The following MRPS9 variants were observed in gnomAD, a reference collection of about 807,000 sequenced individuals.
MRPS9 encodes the protein mitochondrial ribosomal protein S9, also known as small ribosomal subunit protein uS9m.
Under a neutral mutation model 59.9 loss-of-function variants are expected in MRPS9, and 45 were observed. The observed-to-expected ratio is 0.75, with a 90% CI of 0.59 to 0.96. MRPS9 has a LOEUF of 0.96. Ranked by LOEUF, MRPS9 falls within the 40% of genes least tolerant of loss-of-function variation. The probability of loss-of-function intolerance (pLI) is 0.00; values close to 1 mark genes in which losing one functional copy is unlikely to be tolerated. For missense variants in MRPS9, 473 were observed against 481.1 expected, an observed-to-expected ratio of 0.98 and a Z score of 0.16; for synonymous variants, 171 against 166.8, an observed-to-expected ratio of 1.03 and a Z score of -0.19.
intron 1 of MRPS9, among the ~76,000 whole-genome samples, chr2:105,039,231 A>T (rs902768036): frequency 7.2e-5 from 3 of 41,838 alleles, no homozygotes; most frequent in East Asian, 1.7e-3. Flanking sequence ...ACTATATTTA[A>T]AAAAAAAAAC....
intron 5 of MRPS9, among the ~76,000 whole-genome samples, chr2:105,086,405 AACAG>A (rs1327936027): frequency 1.3e-5 from 2 of 152,214 alleles, no homozygotes; most frequent in African/African-American, 2.4e-5. Flanking sequence ...ATCTCAGTAC[AACAG>A]GAGGAAATGG....
At chr2:105,066,066 G>A (rs1679995165) in intron 2 of MRPS9, among the ~76,000 whole-genome samples, 1 of 152,210 alleles carries the variant, frequency 6.6e-6, no homozygotes, top group South Asian at 2.1e-4. Flanking sequence ...GGCAGACAGC[G>A]TGCCAGGAAT....
chr2:105,086,490 A>G (rs1279749020), intron 5 of MRPS9, among the ~76,000 whole-genome samples: 1 of 152,212 alleles, frequency 6.6e-6, no homozygotes, highest in Admixed American at 6.5e-5. Context: ...TTGGGAAATG[A>G]CAGCCTATAC....
chr2:105,044,002 T>G (rs538100336), intron 1 of MRPS9, among the ~76,000 whole-genome samples: 222 of 124,706 alleles, frequency 1.8e-3, no homozygotes, highest in African/African-American at 6.4e-3. Context: ...GCGGTGTGAT[T>G]TCGGCTCACT....
chr2:105,049,346 T>A lies in MRPS9; in HGVS notation c.311T>A (p.Ile104Asn), dbSNP rs577704289. ...CCAGAAACTTTCACTCAAGAAGATATTGACGTAAGTACAGTTACTCTGTTG... is the reference window on the plus strand; with the variant it reads ...CCAGAAACTTTCACTCAAGAAGATAATGACGTAAGTACAGTTACTCTGTTG... ...EDPETFTQED[I>N]DRAIAYLFPS... The change falls in exon 2 of 11, where the codon ATT (isoleucine) becomes AAT (asparagine). Residue 104 changes from isoleucine (I) to asparagine (N), a missense_variant. Ile to Asn is a moderately radical substitution (Grantham distance 149). Transcript: ENST00000258455. 1.4e-4 allele frequency: 230 copies of A among 1,609,074 alleles called. 2 individuals carry two copies. In the South Asian group the frequency reaches 2.4e-3, roughly 17 times the overall value.
intron 5 of MRPS9, 147 bp downstream of exon 5, chr2:105,080,209 A>G (rs1040432897): frequency 1.0e-5 from 5 of 479,922 alleles, no homozygotes; most frequent in African/African-American, 2.0e-5. Context: ...GTGTTGATGA[A>G]ATGATTTATA....
At chr2:105,096,976 C>A (rs902999440) in intron 9 of MRPS9, 179 bp from the exon 10 acceptor site, 16 of 558,992 alleles carry the variant, frequency 2.9e-5, no homozygotes, top group African/African-American at 2.5e-4. Context: ...GCAAATCATT[C>A]AAAATGTCAG....
chr2:105,052,205 G>A (rs575462988), intron 2 of MRPS9, among the ~76,000 whole-genome samples: 2 of 152,244 alleles, frequency 1.3e-5, no homozygotes, highest in African/African-American at 2.4e-5. Context: ...TCCTGATCTT[G>A]GGGGAAAGCA....
chr2:105,093,813 A>G (rs1680607390), intron 9 of MRPS9, among the ~76,000 whole-genome samples, 175 bp downstream of exon 9: 1 of 152,196 alleles, frequency 6.6e-6, no homozygotes, highest in African/African-American at 2.4e-5. Flanking sequence ...CAGCTTCCAG[A>G]TTTTTTAAAA....
At chr2:105,040,058 T>A (rs1013017846) in intron 1 of MRPS9, among the ~76,000 whole-genome samples, 1 of 152,216 alleles carries the variant, frequency 6.6e-6, no homozygotes, top group South Asian at 2.1e-4. Context: ...CTACAGCATA[T>A]ATTTTACCAC....
chr2:105,099,544 C>T (rs763558441), intron 10 of MRPS9, 126 bp from the exon 11 acceptor site: 67 of 721,586 alleles, frequency 9.3e-5, no homozygotes, highest in Middle Eastern at 7.9e-4. Context: ...TAAATTATTA[C>T]TGGTCTGGTT....
intron 1 of MRPS9, 86 bp downstream of exon 1, chr2:105,038,313 G>C: frequency 6.6e-7 from 1 of 1,523,096 alleles, no homozygotes; most frequent in Non-Finnish European, 8.9e-7. Flanking sequence ...AGCGTCTCGC[G>C]TGCCTTCAGG....
At chr2:105,041,557 T>G (rs972366980) in intron 1 of MRPS9, among the ~76,000 whole-genome samples, 5 of 151,872 alleles carry the variant, frequency 3.3e-5, no homozygotes, top group Non-Finnish European at 7.4e-5. Flanking sequence ...CTCATGCTTC[T>G]GGAGGTTATA....
At chr2:105,077,615 C>G (rs182168427) in intron 4 of MRPS9, among the ~76,000 whole-genome samples, 2 of 152,160 alleles carry the variant, frequency 1.3e-5, no homozygotes, top group Non-Finnish European at 2.9e-5. Context: ...AATAAACTCC[C>G]GCCTTGTTCT....
intron 7 of MRPS9, chr2:105,092,163 T>G (rs1680571291): frequency 2.5e-6 from 1 of 402,916 alleles, no homozygotes; most frequent in African/African-American, 2.0e-5. Context: ...AGAAATTGAT[T>G]TTTCTTTGAA....
At chr2:105,081,223 C>T (rs1194301007) in intron 5 of MRPS9, among the ~76,000 whole-genome samples, 1 of 152,212 alleles carries the variant, frequency 6.6e-6, no homozygotes, top group Non-Finnish European at 1.5e-5. Context: ...CTTCATGGTG[C>T]AGACGCAAAT....
At chr2:105,082,903 G>A (rs991346263) in intron 5 of MRPS9, among the ~76,000 whole-genome samples, 7 of 152,028 alleles carry the variant, frequency 4.6e-5, no homozygotes, top group African/African-American at 7.2e-5. Context: ...TAATGAAAAA[G>A]TATAAAACCA....
At chr2:105,058,097 G>A (rs1410845500) in intron 2 of MRPS9, among the ~76,000 whole-genome samples, 3 of 152,116 alleles carry the variant, frequency 2.0e-5, no homozygotes, top group Admixed American at 6.5e-5. Flanking sequence ...TCCATTTGAT[G>A]TATCATTTTT....
intron 5 of MRPS9, among the ~76,000 whole-genome samples, chr2:105,084,251 T>TAC (rs1478098309): frequency 6.8e-6 from 1 of 147,022 alleles, no homozygotes; most frequent in African/African-American, 2.5e-5. Flanking sequence ...TACCAAAATA[T>TAC]ATATATATAT....
Sources: allele counts gnomAD v4.1 joint callset (sites outside exome capture counted in the v4.1 genomes callset), GRCh38; gene constraint gnomAD v4.1.1; transcripts MANE v1.5; gene names NCBI Gene and HGNC (gene_info 2026-07-23, HGNC 2026-07-21).